PPP2R2B: variants seen among roughly 807,000 people sequenced by gnomAD.
PPP2R2B encodes protein phosphatase 2 regulatory subunit Bbeta.
In PPP2R2B, 5 loss-of-function variants were observed where a neutral mutation model predicts 46.0. The ratio of observed to expected loss-of-function variants is 0.11; its 90% confidence interval spans 0.06 to 0.23. The LOEUF is 0.23. Ranked by LOEUF, PPP2R2B falls within the 10% of genes least tolerant of loss-of-function variation. The pLI is 1.00. For missense variants in PPP2R2B, 367 were observed against 575.0 expected, an observed-to-expected ratio of 0.64 and a Z score of 3.70; for synonymous variants, 215 against 206.7, an observed-to-expected ratio of 1.04 and a Z score of -0.34.
intron 2 of PPP2R2B, among the ~76,000 whole-genome samples, chr5:146,809,896 TC>T (rs1461658626): frequency 1.4e-4 from 22 of 152,126 alleles, no homozygotes; most frequent in Non-Finnish European, 2.6e-4. Flanking sequence ...TGGCTTAGAC[TC>T]ACATGGTAGT....
At chr5:147,056,277 G>T (rs910307539), upstream of PPP2R2B, 2 of 229,930 alleles carry the variant, frequency 8.7e-6, no homozygotes, top group African/African-American at 4.7e-5. Context: ...GAATATTAAA[G>T]TACAGTGCAA....
At chr5:146,724,595 T>G (rs1751733085) in intron 2 of PPP2R2B, among the ~76,000 whole-genome samples, 1 of 152,182 alleles carries the variant, frequency 6.6e-6, no homozygotes, top group Admixed American at 6.5e-5. Flanking sequence ...GAGAGTGGAC[T>G]CGTTGTGAGA....
chr5:146,878,179 T>A lies in PPP2R2B; in HGVS notation c.-108A>T. ...AGGGGGGCAGGGGAGCCAGTGGGAC[T>A]GCACCATGGTCCGAGCCTGAGGAGG... On this transcript the variant is annotated 5_prime_UTR_variant, in exon 2 of 10. Coordinates refer to ENST00000394411, the MANE Select transcript of PPP2R2B (RefSeq NM_181675.4). The surrounding 1 kb of genome is among the most constrained non-coding windows in gnomAD (Gnocchi z 4.5). 1.3e-6 allele frequency: 2 copies of A among 1,596,720 alleles called. No individual in the cohort carries two copies. The highest frequency in any genetic ancestry group is 1.7e-6 in the Non-Finnish European group (2 of 1,171,018).
At chr5:146,590,249 A>T in intron 9 of PPP2R2B, 23 bp from the exon 10 acceptor site, 1 of 1,608,642 alleles carries the variant, frequency 6.2e-7, no homozygotes, top group Non-Finnish European at 8.5e-7. Context: ...GAGCAAAGGC[A>T]ATGACATATC....
upstream of PPP2R2B, among the ~76,000 whole-genome samples, chr5:147,056,677 G>C (rs1402792424): frequency 6.6e-6 from 1 of 152,168 alleles, no homozygotes; most frequent in Non-Finnish European, 1.5e-5. Context: ...GAGAGAGAGA[G>C]AGAAAAAGAG....
rs370607511 is a variant in PPP2R2B at position 147,018,309 on chromosome 5, TG to T, written c.79+37355del. On this transcript the variant is annotated intron_variant, in intron 1 of 8. Coordinates refer to the PPP2R2B transcript ENST00000336640. Reference sequence around the variant, plus strand: ...GAAACAACTTTCTATCATCCAGTCATGACATAGCCACCATGAAAGGCAGTAT... The same window carrying T: ...GAAACAACTTTCTATCATCCAGTCATACATAGCCACCATGAAAGGCAGTAT... 2.0e-4 allele frequency among the ~76,000 whole-genome samples: 30 copies of T among 152,254 alleles called. No homozygotes were observed. In the East Asian group the frequency reaches 5.2e-3, roughly 26 times the overall value.
At chr5:146,955,766 T>A (rs975077032) in intron 1 of PPP2R2B, among the ~76,000 whole-genome samples, 2 of 150,054 alleles carry the variant, frequency 1.3e-5, no homozygotes, top group Admixed American at 1.3e-4. Flanking sequence ...ATAGTCTTCT[T>A]TCTATTACTT....
intron 1 of PPP2R2B, among the ~76,000 whole-genome samples, chr5:146,890,749 A>G (rs895682062): frequency 5.3e-5 from 8 of 152,312 alleles, no homozygotes; most frequent in East Asian, 3.9e-4. Flanking sequence ...ACAGCCCTAC[A>G]AGGACTGAAC....
chr5:146,692,527 A>ATTTTTTTTT (rs34156552), intron 4 of PPP2R2B, among the ~76,000 whole-genome samples: 2 of 111,066 alleles, frequency 1.8e-5, no homozygotes, highest in Non-Finnish European at 3.6e-5. Context: ...TTTTAATTCA[A>ATTTTTTTTT]TTTTTTTTTT....
intron 2 of PPP2R2B, among the ~76,000 whole-genome samples, chr5:146,723,804 GTTTA>G (rs1354267043): frequency 6.6e-6 from 1 of 152,022 alleles, no homozygotes; most frequent in African/African-American, 2.4e-5. Flanking sequence ...TACCCTAAAT[GTTTA>G]TTTCTCTTCC....
intron 1 of PPP2R2B, among the ~76,000 whole-genome samples, chr5:146,983,241 C>T (rs1344783721): frequency 3.1e-5 from 4 of 127,692 alleles, no homozygotes; most frequent in African/African-American, 1.2e-4. Flanking sequence ...AGTGCAGTGG[C>T]ACAATCTCGG....
At chr5:146,895,092 C>A (rs906300253) in intron 1 of PPP2R2B, among the ~76,000 whole-genome samples, 1 of 152,230 alleles carries the variant, frequency 6.6e-6, no homozygotes, top group African/African-American at 2.4e-5. Context: ...TCCTTTCACA[C>A]ATCCTCCTGC....
chr5:146,784,935 A>C (rs1379097172), intron 2 of PPP2R2B, among the ~76,000 whole-genome samples: 1 of 152,220 alleles, frequency 6.6e-6, no homozygotes, highest in African/African-American at 2.4e-5. Flanking sequence ...TGGAGTATCA[A>C]CTTTTGGAAT....
At chr5:146,810,881 A>G (rs1251697567) in intron 2 of PPP2R2B, among the ~76,000 whole-genome samples, 1 of 44,200 alleles carries the variant, frequency 2.3e-5, no homozygotes, top group African/African-American at 8.8e-5. Flanking sequence ...CCCTCCCCCC[A>G]CCCCACAACA....
intron 2 of PPP2R2B, among the ~76,000 whole-genome samples, chr5:146,708,515 C>A (rs1202309175): frequency 8.6e-5 from 13 of 151,912 alleles, no homozygotes; most frequent in African/African-American, 2.9e-4. Flanking sequence ...TAACCACTAT[C>A]ATGATATAGA....
intron 2 of PPP2R2B, among the ~76,000 whole-genome samples, chr5:146,798,245 T>G (rs887895927): frequency 6.6e-6 from 1 of 152,172 alleles, no homozygotes; most frequent in African/African-American, 2.4e-5. Flanking sequence ...ATTTTGTTTT[T>G]CATCTTCCAA....
Position 147,078,683 on chromosome 5 carries a change from C to T in PPP2R2B, c.50+2376G>A, listed in dbSNP as rs568328883. ...TAAGCTGGGCATATTTGGTGGGTGC[C>T]TGTAGTCTCAGCTACTTGGGAGGCT... On this transcript the variant is annotated intron_variant, in intron 2 of 10. Coordinates refer to the PPP2R2B transcript ENST00000394413. 2.6e-5 allele frequency among the ~76,000 whole-genome samples: 4 copies of T among 151,890 alleles called. No homozygotes were observed. The South Asian group carries it at 6.3e-4, about 24-fold the overall frequency.
Position 146,609,811 on chromosome 5 carries a change from A to C in PPP2R2B, c.791-9351T>G, listed in dbSNP as rs1250616524. On this transcript the variant is annotated intron_variant, in intron 7 of 9. Coordinates refer to ENST00000394411, the MANE Select transcript of PPP2R2B (RefSeq NM_181675.4). ...GGCTTAAGAAACGGCGCACCACGAG[A>C]CTATATCCCACACCTGGCTCAGAGG... is the stretch of plus-strand genomic sequence containing the variant. 3.0e-5 allele frequency among the ~76,000 whole-genome samples: 4 copies of C among 133,830 alleles called. No individual in the cohort carries two copies. The East Asian group carries it at 9.5e-4, about 32-fold the overall frequency. The allele number at this position is 133,830 out of a possible 152,430, so 87.8% of individuals were successfully genotyped here. A position where few individuals can be genotyped will look rare whatever the true frequency, so the allele number is the denominator to read the frequency against.
intron 2 of PPP2R2B, among the ~76,000 whole-genome samples, chr5:146,821,205 G>A (rs1219753685): frequency 6.6e-6 from 1 of 152,000 alleles, no homozygotes; most frequent in African/African-American, 2.4e-5. Flanking sequence ...ACATGCATGT[G>A]CTTACACACA....
Sources: gnomAD v4.1 joint callset for allele counts (sites outside exome capture counted in the v4.1 genomes callset) on GRCh38, gnomAD v4.1.1 for gene constraint, Gnocchi (gnomAD v3.1) non-coding constraint, MANE v1.5 for transcripts, NCBI Gene and HGNC (gene_info 2026-07-23, HGNC 2026-07-21) for gene names.